Variants in MACROD2 observed in about 807,000 individuals in gnomAD.
MACROD2 encodes ADP-ribose glycohydrolase MACROD2.
A neutral mutation model predicts 70.4 loss-of-function variants in MACROD2; 36 were observed. The observed-to-expected ratio is 0.51, with a 90% confidence interval of 0.39 to 0.68. The LOEUF is 0.68. Among genes scored for constraint, MACROD2 ranks in the 30% least tolerant of loss-of-function variants. The pLI, the probability that MACROD2 is intolerant of heterozygous loss-of-function variation, is 0.00. For synonymous variants in MACROD2, 172 were observed against 178.8 expected, an observed-to-expected ratio of 0.96 and a Z score of 0.30; for missense variants, 496 against 538.4, an observed-to-expected ratio of 0.92 and a Z score of 0.78.
intron 3 of MACROD2, among the ~76,000 whole-genome samples, chr20:14,328,719 G>A (rs575595316): frequency 2.6e-5 from 4 of 152,086 alleles, no homozygotes; most frequent in South Asian, 2.1e-4. Flanking sequence ...GTAATCCTAT[G>A]GCGTACACAC....
intron 3 of MACROD2, among the ~76,000 whole-genome samples, chr20:14,101,796 G>C (rs1231465903): frequency 6.6e-6 from 1 of 151,358 alleles, no homozygotes; most frequent in African/African-American, 2.4e-5. Flanking sequence ...AAAAAAACGT[G>C]AGACAACAGC....
intron 5 of MACROD2, among the ~76,000 whole-genome samples, chr20:15,215,254 G>T (rs1444689183): frequency 3.7e-5 from 4 of 109,160 alleles, no homozygotes; most frequent in South Asian, 6.0e-4. Flanking sequence ...CCTGTATTTT[G>T]TGTGTGTGTG....
At chr20:14,778,391 T>C (rs2072259444) in intron 5 of MACROD2, among the ~76,000 whole-genome samples, 1 of 152,064 alleles carries the variant, frequency 6.6e-6, no homozygotes, top group African/African-American at 2.4e-5. Flanking sequence ...GTGCCTTTGT[T>C]GTCCCCTCAC....
chr20:15,890,833 C>T (rs551847545), intron 10 of MACROD2, among the ~76,000 whole-genome samples: 5 of 152,120 alleles, frequency 3.3e-5, no homozygotes, highest in African/African-American at 9.6e-5. Context: ...GGCACGAAGG[C>T]GACAGCTGCT....
chr20:15,916,130 G>A (rs1197727859), intron 10 of MACROD2, among the ~76,000 whole-genome samples: 4 of 152,298 alleles, frequency 2.6e-5, no homozygotes, highest in African/African-American at 9.6e-5. Context: ...TATTTGTGGA[G>A]CCTGCTTAGC....
chr20:14,234,673 T>C (rs992893679), intron 3 of MACROD2, among the ~76,000 whole-genome samples: 4 of 152,210 alleles, frequency 2.6e-5, no homozygotes, highest in African/African-American at 7.2e-5. Context: ...TTCTGTCTTT[T>C]GCCAATAGCC....
At chr20:15,985,189 A>T (rs2066461315) in intron 13 of MACROD2, among the ~76,000 whole-genome samples, 1 of 152,138 alleles carries the variant, frequency 6.6e-6, no homozygotes, top group Non-Finnish European at 1.5e-5. Context: ...GGGCTTACTT[A>T]CACCGGACCT....
rs887353729 is a variant in MACROD2, at chr20:15,665,713, C to T, written c.645+165866C>T. Among the ~76,000 whole-genome samples the T allele has an allele frequency of 2.6e-5, 4 of 152,310 alleles. No homozygotes were observed. In the South Asian group the frequency reaches 8.3e-4, roughly 32 times the overall value. ...AAGGAAGATGGTGCATCAAGCCATA[C>T]TTGAAGCTTGAAGTGTCCCATTCCC... On this transcript the variant is annotated intron_variant, in intron 8 of 17. Transcript: ENST00000684519.
chr20:15,488,046 G>A (rs769694960), intron 7 of MACROD2, among the ~76,000 whole-genome samples: 3 of 152,140 alleles, frequency 2.0e-5, no homozygotes, highest in Admixed American at 6.5e-5. Context: ...ACCCTGTCTG[G>A]TGCTGTGTCC....
chr20:14,191,465 T>A (rs1403842810), intron 3 of MACROD2, among the ~76,000 whole-genome samples: 1 of 152,186 alleles, frequency 6.6e-6, no homozygotes, highest in African/African-American at 2.4e-5. Flanking sequence ...TAAGTAGTGA[T>A]ATCACCTATC....
chr20:14,173,006 A>G (rs2148725526), intron 3 of MACROD2, among the ~76,000 whole-genome samples: 1 of 152,316 alleles, frequency 6.6e-6, no homozygotes, highest in East Asian at 1.9e-4. Flanking sequence ...TCTGGTGGGA[A>G]ATCTGCTGTT....
chr20:15,147,203 T>G (rs566904702), intron 5 of MACROD2, among the ~76,000 whole-genome samples: 14 of 152,202 alleles, frequency 9.2e-5, no homozygotes, highest in Non-Finnish European at 1.9e-4. Context: ...AGAATTTTAA[T>G]TCATGGTACT....
At chr20:14,823,394 T>C (rs73897213) in intron 5 of MACROD2, among the ~76,000 whole-genome samples, 6,718 of 152,148 alleles carry the variant, frequency 0.044, 535 homozygotes, top group African/African-American at 0.15. Flanking sequence ...TTAAACAAAG[T>C]AGAAGTTAAT....
At chr20:15,859,348 C>A (rs1184004344) in intron 8 of MACROD2, among the ~76,000 whole-genome samples, 5 of 152,100 alleles carry the variant, frequency 3.3e-5, no homozygotes, top group Non-Finnish European at 2.9e-5. Flanking sequence ...TAGACCTGTG[C>A]AGCTCAAACC....
At chr20:15,257,166 A>G (rs73101212) in intron 6 of MACROD2, among the ~76,000 whole-genome samples, 15,836 of 152,066 alleles carry the variant, frequency 0.1, 1,070 homozygotes, top group African/African-American at 0.18. Flanking sequence ...CTGCCTGCAC[A>G]TGTAATCTTT....
chr20:14,766,762 T>C (rs1449588530), intron 5 of MACROD2, among the ~76,000 whole-genome samples: 1 of 152,146 alleles, frequency 6.6e-6, no homozygotes, highest in African/African-American at 2.4e-5. Context: ...AAGTTAAGTG[T>C]TGTACTCATT....
At chr20:14,917,261 G>T (rs908396855) in intron 5 of MACROD2, among the ~76,000 whole-genome samples, 2 of 150,924 alleles carry the variant, frequency 1.3e-5, no homozygotes, top group Non-Finnish European at 2.9e-5. Flanking sequence ...GTGACATCGG[G>T]TCTCTATTCT....
In MACROD2 at chr20:15,619,424, C is replaced by T. The variant is rs1483023995; in HGVS notation, c.645+119577C>T. 11 of 241,512 alleles carry T rather than the reference C, an allele frequency of 4.6e-5. 1 individual carries two copies. The highest frequency in any genetic ancestry group is 3.9e-4 in the South Asian group (7 of 18,032). 15.0% of individuals were successfully genotyped at this position (241,512 alleles called of 1,614,324 possible). A position where few individuals can be genotyped will look rare whatever the true frequency, so the allele number is the denominator to read the frequency against. ...TGTCTCAGTTACAATTTTGCAATGG[C>T]GATTTCAGACCCAGAGGATCAGCAT... On this transcript the variant is annotated intron_variant, in intron 8 of 17. Transcript: ENST00000684519.
chr20:14,522,280 A>G (rs1410120556), intron 4 of MACROD2, among the ~76,000 whole-genome samples: 1 of 152,180 alleles, frequency 6.6e-6, no homozygotes, highest in East Asian at 1.9e-4. Flanking sequence ...AGTGTAGTCA[A>G]CTGCTGAAAA....
Sources: gnomAD v4.1 joint callset for allele counts (sites outside exome capture counted in the v4.1 genomes callset) on GRCh38, gnomAD v4.1.1 for gene constraint, MANE v1.5 for transcripts, NCBI Gene and HGNC (gene_info 2026-07-23, HGNC 2026-07-21) for gene names.